SMTN: variants seen among roughly 807,000 people sequenced by gnomAD.
SMTN encodes the protein smoothelin.
A neutral mutation model predicts 102.0 loss-of-function variants in SMTN; 58 were observed. The observed-to-expected ratio is 0.57, with a 90% CI of 0.46 to 0.71. The LOEUF is 0.71. Among genes scored for constraint, SMTN ranks in the 30% least tolerant of loss-of-function variants. The pLI, the probability that SMTN is intolerant of heterozygous loss-of-function variation, is 0.00. For missense variants in SMTN, 1,185 were observed against 1,241.7 expected (o/e 0.95, Z 0.69); for synonymous variants, 478 against 497.9 (o/e 0.96, Z 0.53).
At chr22:31,085,124 A>T (rs1030865830) in intron 2 of SMTN, 36 of 1,535,014 alleles carry the variant, frequency 2.3e-5, no homozygotes, top group Non-Finnish European at 3.1e-5. Flanking sequence ...CCCCTCCACC[A>T]CCCGCCGGGA....
intron 11 of SMTN, chr22:31,092,673 A>G: frequency 2.4e-6 from 1 of 418,162 alleles, no homozygotes; most frequent in Admixed American, 2.5e-5. Context: ...AGCAGGATCC[A>G]GCTGCCCTCT....
intron 5 of SMTN, 42 bp downstream of exon 5, chr22:31,088,819 C>A (rs1414573233): frequency 2.5e-6 from 4 of 1,610,002 alleles, no homozygotes; most frequent in Non-Finnish European, 3.4e-6. Flanking sequence ...CTGCTGTCTG[C>A]TGTCCACAGC....
intron 1 of SMTN, chr22:31,068,419 T>G (rs1990125): frequency 6.6e-6 from 1 of 151,968 alleles, no homozygotes; most frequent in African/African-American, 2.4e-5. Flanking sequence ...CCTCATTGCC[T>G]GCTCCCAGTA....
In SMTN at chr22:31,100,906, G is replaced by C. The variant is rs985390255; in HGVS notation, c.2625G>C (p.Gln875His). 7.1e-7 allele frequency: 1 copy of C among 1,408,282 alleles called. No homozygotes were observed. The allele number at this position is 1,408,282 out of a possible 1,614,324, so 87.2% of individuals were successfully genotyped here. Residue 875 changes from glutamine (Q) to histidine (H), a missense_variant, in exon 20 of 21, where the codon CAG becomes CAC. Coordinates refer to ENST00000333137, the MANE Select transcript of SMTN (RefSeq NM_134269.3). ...SSAETHADCP[Q>H]LLDTEDMVRL... is the part of the protein sequence containing the mutation. ...CCAGGACCCATGCGGACTGCCCGCA[G>C]CTCCTGGATACAGAGGACATGGTGC...
In SMTN at chr22:31,083,225, C is replaced by G. The variant is rs111604723; in HGVS notation, c.-34C>G. ...GTGCCACAGGCACTGGGGATCTCAC[C>G]AGAAAGGAACCGACGGAGCTAGGGG... On this transcript the variant is annotated 5_prime_UTR_variant, in exon 2 of 21. Transcript: ENST00000333137. 7.5e-6 allele frequency: 12 copies of G among 1,595,064 alleles called. No individual in the cohort carries two copies. The highest frequency in any genetic ancestry group is 4.0e-5 in the African/African-American group (3 of 75,000).
In SMTN at chr22:31,091,815, C is replaced by A; in HGVS notation, c.1600C>A (p.Pro534Thr). Residue 534 changes from proline (P) to threonine (T), a missense_variant, in exon 11 of 21, where the codon CCC becomes ACC. Pro to Thr is a conservative substitution (Grantham distance 38). This residue lies in a region of SMTN where 1,096 missense variants were observed against 1,112.7 expected (regional missense o/e 0.98). Coordinates refer to ENST00000333137, the MANE Select transcript of SMTN (RefSeq NM_134269.3). ...TCATGTCACCAGCTTCAGCCATGCC[C>A]CCCCCAGTAGCCGAGGAGGCTGCAG... The part of the protein sequence containing the change: ...VTHVTSFSHA[P>T]PSSRGGCSIK... 3.7e-6 allele frequency: 6 copies of A among 1,602,920 alleles called. No homozygotes were observed. Among genetic ancestry groups the A allele is most frequent in the Non-Finnish European group, 5.1e-6 (6 of 1,174,092 alleles).
chr22:31,094,667 T>TGC (rs2043427555), intron 11 of SMTN, among the ~76,000 whole-genome samples: 1 of 85,920 alleles, frequency 1.2e-5, no homozygotes, highest in Non-Finnish European at 2.2e-5. Context: ...CCCTTCTGTT[T>TGC]TTTTTTTTTT....
Position 31,095,942 on chromosome 22 carries a change from T to C in SMTN, c.1861+333T>C. On this transcript the variant is annotated intron_variant, in intron 13 of 20. Transcript: ENST00000333137. This position sits in a 1 kb window ranked among gnomAD's most constrained non-coding sequence, Gnocchi z 4.1. ...CGACTCCTTCCCTGAATCCAGATAC[T>C]CCTTCTCCCTGCTGCTCCTCTCTCC... is the stretch of plus-strand genomic sequence containing the variant. The C allele has an allele frequency of 2.5e-6, 1 of 400,380 alleles. No homozygotes were observed. The highest frequency in any genetic ancestry group is 2.5e-5 in the South Asian group (1 of 39,774). 24.8% of individuals were successfully genotyped at this position (400,380 alleles called of 1,614,324 possible). A position where few individuals can be genotyped will look rare whatever the true frequency, so the allele number is the denominator to read the frequency against.
intron 11 of SMTN, chr22:31,093,596 C>T (rs768255864): frequency 1.1e-5 from 8 of 752,206 alleles, no homozygotes; most frequent in Admixed American, 1.8e-5. Flanking sequence ...ACCGTGGAGC[C>T]GGTGGCCCGG....
Position 31,097,011 on chromosome 22 carries a change from G to T in SMTN, c.2040G>T (p.Arg680=), listed in dbSNP as rs1190887294. The T allele has an allele frequency of 6.2e-7, 1 of 1,614,194 alleles. No individual in the cohort carries two copies. Among genetic ancestry groups the T allele is most frequent in the Non-Finnish European group, 8.5e-7 (1 of 1,180,028 alleles). Residue 680 remains arginine, a synonymous_variant, in exon 15 of 21, where the codon CGG becomes CGT. Transcript: ENST00000333137. The part of the protein sequence containing the change: ...ERLVHSNDGT[R]TARTTTVESS... ...CTGCCCCTGCAGATGATGGCACACG[G>T]ACGGCCCGCACCACCACAGTGGAGT...
Position 31,090,019 on chromosome 22 carries a change from G to A in SMTN, c.792G>A (p.Lys264=), listed in dbSNP as rs1213742915. The A allele has an allele frequency of 1.9e-6, 3 of 1,609,114 alleles. No individual in the cohort carries two copies. The highest frequency in any genetic ancestry group is 2.5e-6 in the Non-Finnish European group (3 of 1,176,986). ...GCACTGAGGGCCAGGTGGTCAACAA[G>A]GTGAGTCTGGATGAGGGGCAGGGAT... ...LPSTEGQVVN[K]LLSGPKETPA... The change falls in exon 7 of 21, where the codon AAG becomes AAA. Residue 264 remains lysine (K), a splice_region_variant and synonymous_variant. Transcript: ENST00000333137.
At chr22:31,069,362 A>G (rs2041943698) in intron 1 of SMTN, among the ~76,000 whole-genome samples, 1 of 152,190 alleles carries the variant, frequency 6.6e-6, no homozygotes, top group East Asian at 1.9e-4. Flanking sequence ...CCCCAAGCTC[A>G]GAGGTTGGAG....
intron 20 of SMTN, 123 bp from the exon 21 acceptor site, chr22:31,104,193 T>C (rs1602696010): frequency 8.5e-7 from 1 of 1,172,678 alleles, no homozygotes; most frequent in Non-Finnish European, 1.2e-6. Flanking sequence ...GGAAGGCTTT[T>C]CCCTGTCTGG....
At position 31,091,679 on chromosome 22, in the gene SMTN, G is replaced by A; in HGVS notation, c.1464G>A (p.Leu488=). The change falls in exon 11 of 21, where the codon CTG becomes CTA. Residue 488 remains leucine (L), a synonymous_variant. Coordinates refer to ENST00000333137, the MANE Select transcript of SMTN (RefSeq NM_134269.3). The part of the protein sequence containing the change: ...LLPTGNQRAE[L]TLGLRAPPTL... ...GCCACCTTTCTCCCCACTCAGAACT[G>A]ACACTGGGGCTGCGGGCGCCCCCGA... 3 of 1,589,598 alleles carry A rather than the reference G, an allele frequency of 1.9e-6. No individual in the cohort carries two copies. The highest frequency in any genetic ancestry group is 2.6e-6 in the Non-Finnish European group (3 of 1,164,086).
rs1442950114 is a variant in SMTN at position 31,095,406 on chromosome 22, G to A, written c.1736G>A (p.Ser579Asn). 6.2e-7 allele frequency: 1 copy of A among 1,614,286 alleles called. No individual in the cohort carries two copies. Among genetic ancestry groups the A allele is most frequent in the Non-Finnish European group, 8.5e-7 (1 of 1,180,054 alleles). The part of the protein sequence containing the change: ...NKAPEGRSPL[S>N]AEELMTIEDE... The stretch of plus-strand genomic sequence containing the variant: ...GCACCAGAAGGGCGGAGCCCTCTGA[G>A]CGCTGAGGAGCTGATGACTATTGAG... Residue 579 changes from serine to asparagine, a missense_variant, in exon 12 of 21, where the codon AGC becomes AAC. Physicochemically the swap from Ser to Asn is conservative, Grantham distance 46. Around this residue, in one of 2 missense-constraint regions of SMTN, gnomAD observed 1,096 missense variants for 1,112.7 expected, o/e 0.98. Transcript: ENST00000333137. This position sits in a 1 kb window ranked among gnomAD's most constrained non-coding sequence, Gnocchi z 4.1.
At chr22:31,085,631 C>A (rs1373185033) in intron 2 of SMTN, among the ~76,000 whole-genome samples, 1 of 152,236 alleles carries the variant, frequency 6.6e-6, no homozygotes, top group Non-Finnish European at 1.5e-5. Context: ...CCTCGGTAGA[C>A]AATGGCGCTT....
chr22:31,101,238 AC>A, intron 20 of SMTN, 189 bp downstream of exon 20: 1 of 582,466 alleles, frequency 1.7e-6, no homozygotes, highest in Non-Finnish European at 3.0e-6. Flanking sequence ...GGCAGTGATG[AC>A]CCAGGTGGGC....
At chr22:31,087,817 C>T (rs1407579616) in intron 2 of SMTN, 148 bp from the exon 3 acceptor site, 2 of 800,006 alleles carry the variant, frequency 2.5e-6, no homozygotes, top group South Asian at 2.0e-5. Context: ...CCCCCGGGAC[C>T]CTGCGTGGGC....
chr22:31,064,483 G>T (rs2041795609), intron 1 of SMTN: 1 of 152,144 alleles, frequency 6.6e-6, no homozygotes, highest in African/African-American at 2.4e-5. Flanking sequence ...GTCTCACTTT[G>T]TCAAGATTTC....
Sources: gnomAD v4.1 joint callset for allele counts (sites outside exome capture counted in the v4.1 genomes callset) on GRCh38, gnomAD v4.1.1 for gene constraint, gnomAD v4.1.1 regional missense constraint, Gnocchi (gnomAD v3.1) non-coding constraint, MANE v1.5 for transcripts, NCBI Gene and HGNC (gene_info 2026-07-23, HGNC 2026-07-21) for gene names.